Variants in MAP4K3 observed in about 807,000 individuals in gnomAD.
MAP4K3 encodes MAPK/ERK kinase kinase kinase 3.
MAP4K3 carries 94 observed loss-of-function variants against 143.5 expected under a neutral mutation model. The observed-to-expected ratio is 0.65, with a 90% CI of 0.55 to 0.78. The LOEUF is 0.78. Among genes scored for constraint, MAP4K3 ranks in the 30% least tolerant of loss-of-function variants. The pLI is 0.00. For synonymous variants in MAP4K3, 416 were observed against 347.2 expected, an observed-to-expected ratio of 1.20 and a Z score of -2.20; for missense variants, 1,077 against 1,068.1, an observed-to-expected ratio of 1.01 and a Z score of -0.12.
intron 24 of MAP4K3, among the ~76,000 whole-genome samples, chr2:39,274,509 C>G (rs925426306): frequency 1.3e-5 from 2 of 152,118 alleles, no homozygotes; most frequent in Non-Finnish European, 2.9e-5. Context: ...CATGAGCCAT[C>G]GCGCCTGACC....
At chr2:39,426,071 T>C (rs756094868) in intron 1 of MAP4K3, among the ~76,000 whole-genome samples, 11 of 152,186 alleles carry the variant, frequency 7.2e-5, no homozygotes, top group Non-Finnish European at 1.6e-4. Flanking sequence ...TGAAGAAACT[T>C]GGCACACCCA....
intron 26 of MAP4K3, among the ~76,000 whole-genome samples, chr2:39,268,810 T>C (rs1680890035): frequency 6.6e-6 from 1 of 151,966 alleles, no homozygotes; most frequent in Non-Finnish European, 1.5e-5. Context: ...CAACTAATTT[T>C]TGTACTTTTA....
chr2:39,388,983 A>C (rs1050164149), intron 1 of MAP4K3, among the ~76,000 whole-genome samples: 1 of 152,222 alleles, frequency 6.6e-6, no homozygotes, highest in African/African-American at 2.4e-5. Flanking sequence ...TGAAAAACCA[A>C]ATCAAATCCA....
chr2:39,427,865 C>T (rs1283406971), intron 1 of MAP4K3, among the ~76,000 whole-genome samples: 1 of 152,182 alleles, frequency 6.6e-6, no homozygotes, highest in African/African-American at 2.4e-5. Context: ...ATATGTGAAA[C>T]ATTATCTACC....
intron 1 of MAP4K3, among the ~76,000 whole-genome samples, chr2:39,425,711 C>T (rs1036723930): frequency 2.0e-5 from 3 of 151,988 alleles, no homozygotes; most frequent in Non-Finnish European, 4.4e-5. Flanking sequence ...TATGTTGTTA[C>T]GGCAGTCCTA....
At chr2:39,375,214 C>T (rs184336721) in intron 2 of MAP4K3, among the ~76,000 whole-genome samples, 273 of 151,990 alleles carry the variant, frequency 1.8e-3, no homozygotes, top group African/African-American at 6.2e-3. Context: ...AGCCACGATC[C>T]TACCACTGCA....
At chr2:39,313,135 G>C (rs535465966) in intron 13 of MAP4K3, among the ~76,000 whole-genome samples, 2 of 152,202 alleles carry the variant, frequency 1.3e-5, no homozygotes, top group African/African-American at 2.4e-5. Flanking sequence ...CTCTGCCACA[G>C]AATCTTCCAG....
At chr2:39,339,405 A>G (rs375937597) in intron 4 of MAP4K3, among the ~76,000 whole-genome samples, 2 of 152,180 alleles carry the variant, frequency 1.3e-5, no homozygotes, top group African/African-American at 2.4e-5. Context: ...TTCAGAAATA[A>G]CCTTTTCAAT....
intron 8 of MAP4K3, among the ~76,000 whole-genome samples, chr2:39,329,393 C>A (rs1573158529): frequency 6.6e-6 from 1 of 152,240 alleles, no homozygotes; most frequent in East Asian, 1.9e-4. Flanking sequence ...AACCATAACA[C>A]ACAGACTAAA....
intron 28 of MAP4K3, 168 bp from the exon 29 acceptor site, chr2:39,260,945 T>C: frequency 1.8e-6 from 1 of 550,548 alleles, no homozygotes; most frequent in Non-Finnish European, 3.2e-6. Flanking sequence ...CATTTTAGGT[T>C]TACCACCGCA....
At chr2:39,314,852 T>C (rs1683061637) in intron 13 of MAP4K3, among the ~76,000 whole-genome samples, 1 of 152,208 alleles carries the variant, frequency 6.6e-6, no homozygotes, top group South Asian at 2.1e-4. Flanking sequence ...AGAATCCCTT[T>C]TTAAAAGTTT....
In MAP4K3 at chr2:39,293,288, A is replaced by C. The variant is rs1239818187; in HGVS notation, c.1179-20T>G. 3.5e-6 allele frequency: 5 copies of C among 1,415,646 alleles called. No individual in the cohort carries two copies. The highest frequency in any genetic ancestry group is 4.8e-6 in the Non-Finnish European group (5 of 1,031,080). 87.7% of individuals were successfully genotyped at this position (1,415,646 alleles called of 1,614,324 possible). A position where few individuals can be genotyped will look rare whatever the true frequency, so the allele number is the denominator to read the frequency against. On this transcript the variant is annotated intron_variant, in intron 16 of 33. Coordinates refer to ENST00000263881, the MANE Select transcript of MAP4K3 (RefSeq NM_003618.4). ...AGACTCCTTAAAAGAAAAAACAAAA[A>C]CAAAAAATAATGTGAATAAATTATC...
chr2:39,290,408 TC>T, intron 18 of MAP4K3, 74 bp from the exon 19 acceptor site: 1 of 940,848 alleles, frequency 1.1e-6, no homozygotes, highest in Non-Finnish European at 1.6e-6. Flanking sequence ...AATAATTTTT[TC>T]AAAGACACAT....
At chr2:39,285,707 A>G (rs924069245) in intron 21 of MAP4K3, among the ~76,000 whole-genome samples, 1 of 152,220 alleles carries the variant, frequency 6.6e-6, no homozygotes, top group Non-Finnish European at 1.5e-5. Context: ...TGAATGTACT[A>G]GACAAACATA....
At chr2:39,401,221 G>C (rs899741127) in intron 1 of MAP4K3, among the ~76,000 whole-genome samples, 4 of 152,008 alleles carry the variant, frequency 2.6e-5, no homozygotes, top group Middle Eastern at 3.2e-3. Flanking sequence ...GGAAGGGGAG[G>C]GGGGTGTCCC....
chr2:39,280,567 T>C (rs1202441998), intron 22 of MAP4K3, among the ~76,000 whole-genome samples: 5 of 152,022 alleles, frequency 3.3e-5, no homozygotes, highest in African/African-American at 7.2e-5. Context: ...ACAATAATTT[T>C]ACTTGGAAAA....
At chr2:39,428,452 C>T (rs1665166663) in intron 1 of MAP4K3, among the ~76,000 whole-genome samples, 1 of 151,396 alleles carries the variant, frequency 6.6e-6, no homozygotes, top group Admixed American at 6.6e-5. Context: ...GGCAGGTGAT[C>T]ACCTGAGGTC....
intron 13 of MAP4K3, among the ~76,000 whole-genome samples, chr2:39,314,626 A>G (rs1324238139): frequency 1.3e-5 from 2 of 152,198 alleles, no homozygotes; most frequent in Non-Finnish European, 2.9e-5. Flanking sequence ...AAATGCTTCT[A>G]AGGAATAAAA....
chr2:39,405,795 C>T (rs1046191430), intron 1 of MAP4K3, among the ~76,000 whole-genome samples: 2 of 151,922 alleles, frequency 1.3e-5, no homozygotes, highest in Non-Finnish European at 2.9e-5. Context: ...CTACCTAAGC[C>T]TAGGAGGTAG....
Sources: allele counts gnomAD v4.1 joint callset (sites outside exome capture counted in the v4.1 genomes callset), GRCh38; gene constraint gnomAD v4.1.1; transcripts MANE v1.5; gene names NCBI Gene and HGNC (gene_info 2026-07-23, HGNC 2026-07-21).